USP54: variants seen among roughly 807,000 people sequenced by gnomAD.
USP54 encodes the protein ubiquitin carboxyl-terminal hydrolase 54.
In USP54, 87 loss-of-function variants were observed where a neutral mutation model predicts 170.5. The observed-to-expected ratio is 0.51, with a 90% CI of 0.43 to 0.61. The LOEUF (loss-of-function observed/expected upper bound fraction) is 0.61, where lower values mean the gene tolerates loss of function less well. Ranked by LOEUF, USP54 falls within the 20% of genes least tolerant of loss-of-function variation. USP54 has a pLI of 0.00. For missense variants in USP54, 1,786 were observed against 2,047.8 expected (o/e 0.87, Z 2.47); for synonymous variants, 655 against 742.8 (o/e 0.88, Z 1.92).
chr10:73,535,059 G>A (rs1251437682), intron 11 of USP54, among the ~76,000 whole-genome samples: 1 of 152,154 alleles, frequency 6.6e-6, no homozygotes, highest in Non-Finnish European at 1.5e-5. Flanking sequence ...GGGAAAAGCA[G>A]AAGTGATGAA....
chr10:73,527,839 A>C (rs1343434346), intron 15 of USP54, among the ~76,000 whole-genome samples: 1 of 145,272 alleles, frequency 6.9e-6, no homozygotes, highest in Non-Finnish European at 1.5e-5. Flanking sequence ...ATCGATACCA[A>C]AAAAAAAAAA....
Position 73,575,813 on chromosome 10 carries a change from T to C in USP54, c.-33A>G. ...ACTTTACCACCTTCCAAATATCATC[T>C]GTGTAGTCAAGGGACTCAGGTATCC... is the stretch of plus-strand genomic sequence containing the variant. On this transcript the variant is annotated 5_prime_UTR_variant, in exon 2 of 24. Coordinates refer to ENST00000687698, the MANE Select transcript of USP54 (RefSeq NM_001391956.1). The C allele has an allele frequency of 2.2e-6, 2 of 911,086 alleles. No homozygotes were observed. The highest frequency in any genetic ancestry group is 3.2e-6 in the Non-Finnish European group (2 of 632,186). 56.4% of individuals were successfully genotyped at this position (911,086 alleles called of 1,614,324 possible). A position where few individuals can be genotyped will look rare whatever the true frequency, so the allele number is the denominator to read the frequency against.
intron 10 of USP54, chr10:73,538,413 C>T (rs1281293590): frequency 1.3e-5 from 2 of 152,058 alleles, no homozygotes; most frequent in Non-Finnish European, 2.9e-5. Context: ...AGATTTAGAC[C>T]TTCGAGTGCT....
At chr10:73,562,329 T>A (rs2133719819) in intron 4 of USP54, among the ~76,000 whole-genome samples, 1 of 152,260 alleles carries the variant, frequency 6.6e-6, no homozygotes, top group South Asian at 2.1e-4. Context: ...CCACCCAATT[T>A]AAGAAATAGA....
chr10:73,503,068 G>A (rs1262769160), intron 22 of USP54, among the ~76,000 whole-genome samples: 1 of 152,008 alleles, frequency 6.6e-6, no homozygotes, highest in Non-Finnish European at 1.5e-5. Context: ...TACTTACTGT[G>A]ACATACAGGG....
At chr10:73,550,027 G>T (rs138177089) in intron 4 of USP54, among the ~76,000 whole-genome samples, 6,787 of 152,122 alleles carry the variant, frequency 0.045, 461 homozygotes, top group African/African-American at 0.15. Flanking sequence ...AGGTTCAAGC[G>T]ATTCTGCTGC....
intron 20 of USP54, chr10:73,515,746 C>CATGCTGAA (rs1344426133): frequency 6.6e-6 from 1 of 151,218 alleles, no homozygotes; most frequent in East Asian, 1.9e-4. Flanking sequence ...TTCATGCTGT[C>CATGCTGAA]ATGCTGAATC....
chr10:73,526,674 C>T lies in USP54; in HGVS notation c.2167G>A (p.Gly723Ser). The change falls in exon 16 of 24, where the codon GGC becomes AGC. Residue 723 changes from glycine to serine, a missense_variant. Physicochemically the swap from Gly to Ser is moderately conservative, Grantham distance 56 (BLOSUM62 0). This residue lies in a region of USP54 where 1,418 missense variants were observed against 1,569.0 expected (regional missense o/e 0.90). Coordinates refer to ENST00000687698, the MANE Select transcript of USP54 (RefSeq NM_001391956.1). Reference protein sequence around the residue: ...LEVDSTASMGGWTKSQPFSGE... With the variant: ...LEVDSTASMGSWTKSQPFSGE... ...GAGAAAGGCTGACTCTTTGTCCAGC[C>T]ACCCATGGATGCTGTGGAGTCTACC... 1 of 1,614,086 alleles carries T rather than the reference C, an allele frequency of 6.2e-7. No homozygotes were observed. Among genetic ancestry groups the T allele is most frequent in the Non-Finnish European group, 8.5e-7 (1 of 1,180,004 alleles).
At chr10:73,605,357 C>G (rs1255673810) in intron 1 of USP54, among the ~76,000 whole-genome samples, 31 of 152,084 alleles carry the variant, frequency 2.0e-4, no homozygotes, top group Admixed American at 2.0e-3. Context: ...AGCCACTGCA[C>G]CTAGCCAATT....
At chr10:73,523,483 T>C (rs2062255546) in intron 17 of USP54, 100 bp downstream of exon 17, 1 of 1,388,524 alleles carries the variant, frequency 7.2e-7, no homozygotes, top group African/African-American at 1.4e-5. Flanking sequence ...TAAAAAATTA[T>C]TTTGCTAAAG....
intron 1 of USP54, among the ~76,000 whole-genome samples, chr10:73,584,782 C>T (rs371264740): frequency 3.0e-4 from 46 of 152,176 alleles, no homozygotes; most frequent in African/African-American, 9.6e-4. Context: ...CATTGAGACC[C>T]GTAATATCCT....
Position 73,530,033 on chromosome 10 carries a change from G to A in USP54, c.1828+110C>T, listed in dbSNP as rs544473596. 895 of 1,497,872 alleles carry A rather than the reference G, an allele frequency of 6.0e-4. 3 individuals are homozygous for A. The highest frequency in any genetic ancestry group is 5.7e-4 in the Non-Finnish European group (643 of 1,119,070). 92.8% of individuals were successfully genotyped at this position (1,497,872 alleles called of 1,614,324 possible). ...CTGAACTCATATCCCTAAAACACCC[G>A]ACATCAGAGTAAAAGTGCCCCTTGC... On this transcript the variant is annotated intron_variant, in intron 14 of 23. Transcript: ENST00000687698.
At chr10:73,564,901 CA>C (rs199823108) in intron 4 of USP54, among the ~76,000 whole-genome samples, 137 of 66,436 alleles carry the variant, frequency 2.1e-3, no homozygotes, top group Middle Eastern at 9.8e-3. Context: ...TCATCTCTAC[CA>C]AAAAAAAAAA....
intron 10 of USP54, among the ~76,000 whole-genome samples, chr10:73,538,707 A>G (rs7097806): frequency 0.19 from 28,759 of 151,972 alleles, 5,000 homozygotes; most frequent in African/African-American, 0.45. Context: ...AGCTACTCAA[A>G]AGACTAAGGT....
chr10:73,554,253 C>T (rs1249219603), intron 4 of USP54, among the ~76,000 whole-genome samples: 1 of 152,198 alleles, frequency 6.6e-6, no homozygotes, highest in Admixed American at 6.5e-5. Flanking sequence ...CCCACTTCAT[C>T]CCTGCAATAC....
chr10:73,511,553 GGGAGGCTGA>G lies in USP54; in HGVS notation c.4051+4813_4051+4821del, dbSNP rs2060214446. 7.3e-5 allele frequency among the ~76,000 whole-genome samples: 11 copies of G among 151,376 alleles called. No individual in the cohort carries two copies. The South Asian group carries it at 2.3e-3, about 32-fold the overall frequency. ...CACATGCCTGTAATCCCAGCTACTT[GGGAGGCTGA>G]AGCACGAGAATCGCTTGAACCTGGG... On this transcript the variant is annotated intron_variant, in intron 20 of 23. Coordinates refer to ENST00000687698, the MANE Select transcript of USP54 (RefSeq NM_001391956.1).
At chr10:73,566,442 CAAGGAA>C (rs2133755442) in intron 4 of USP54, among the ~76,000 whole-genome samples, 1 of 151,490 alleles carries the variant, frequency 6.6e-6, no homozygotes, top group Admixed American at 6.6e-5. Flanking sequence ...CCAGATAAAA[CAAGGAA>C]ATGGGCCAGG....
intron 23 of USP54, 118 bp from the exon 24 acceptor site, chr10:73,499,306 G>C: frequency 1.0e-6 from 1 of 999,256 alleles, no homozygotes; most frequent in South Asian, 1.7e-5. Flanking sequence ...ATACATACAA[G>C]GGAAAGAATG....
intron 1 of USP54, among the ~76,000 whole-genome samples, chr10:73,589,881 C>G (rs780612070): frequency 6.6e-6 from 1 of 152,168 alleles, no homozygotes; most frequent in East Asian, 1.9e-4. Context: ...GGAATGAAAT[C>G]TACTCTAACA....
Sources: gnomAD v4.1 joint callset for allele counts (sites outside exome capture counted in the v4.1 genomes callset) on GRCh38, gnomAD v4.1.1 for gene constraint, gnomAD v4.1.1 regional missense constraint, MANE v1.5 for transcripts, NCBI Gene and HGNC (gene_info 2026-07-23, HGNC 2026-07-21) for gene names.